The following EYS variants were observed in gnomAD, a reference collection of about 807,000 sequenced individuals.
EYS encodes protein eyes shut homolog.
EYS carries 250 observed loss-of-function variants against 282.1 expected under a neutral mutation model. The ratio of observed to expected loss-of-function variants is 0.89; its 90% CI spans 0.80 to 0.98. The LOEUF (loss-of-function observed/expected upper bound fraction) is 0.98. Among genes scored for constraint, EYS ranks in the 50% least tolerant of loss-of-function variants. The pLI is 0.00. For missense variants in EYS, 4,016 were observed against 3,709.0 expected, an observed-to-expected ratio of 1.08 and a Z score of -2.15; for synonymous variants, 1,355 against 1,282.9, an observed-to-expected ratio of 1.06 and a Z score of -1.20.
intron 12 of EYS, among the ~76,000 whole-genome samples, chr6:65,083,576 G>A (rs1008648458): frequency 3.3e-5 from 5 of 151,592 alleles, no homozygotes; most frequent in African/African-American, 7.3e-5. Flanking sequence ...CTGATACCTC[G>A]AATATTATTT....
chr6:65,430,138 C>T (rs1164167513), intron 5 of EYS, among the ~76,000 whole-genome samples: 2 of 152,064 alleles, frequency 1.3e-5, no homozygotes, highest in African/African-American at 2.4e-5. Flanking sequence ...ATCAATCTTC[C>T]CCCCTCTTCA....
At chr6:64,948,227 C>T (rs1343588551) in intron 14 of EYS, among the ~76,000 whole-genome samples, 2 of 151,136 alleles carry the variant, frequency 1.3e-5, no homozygotes, top group East Asian at 3.9e-4. Flanking sequence ...ATGAAGAGAA[C>T]AAAAGTGCAT....
intron 36 of EYS, among the ~76,000 whole-genome samples, chr6:63,855,769 ATGGGGGCTAT>A (rs1772374385): frequency 6.6e-6 from 1 of 152,216 alleles, no homozygotes; most frequent in Non-Finnish European, 1.5e-5. Flanking sequence ...GGTGAAGAAG[ATGGGGGCTAT>A]TGGGTTAGCT....
At chr6:65,478,459 C>T (rs1765486136) in intron 5 of EYS, among the ~76,000 whole-genome samples, 1 of 152,056 alleles carries the variant, frequency 6.6e-6, no homozygotes, top group Non-Finnish European at 1.5e-5. Context: ...TAATTATATG[C>T]TTACCAAGTA....
At chr6:64,240,525 G>A (rs373044389) in intron 30 of EYS, among the ~76,000 whole-genome samples, 1 of 152,088 alleles carries the variant, frequency 6.6e-6, no homozygotes, top group Non-Finnish European at 1.5e-5. Flanking sequence ...ATTGTGAATG[G>A]GAGTTCACTC....
intron 12 of EYS, among the ~76,000 whole-genome samples, chr6:65,186,304 A>G (rs1460900841): frequency 6.6e-6 from 1 of 151,782 alleles, no homozygotes; most frequent in African/African-American, 2.4e-5. Context: ...AGGAAAGATC[A>G]CGTTTCATAC....
intron 32 of EYS, among the ~76,000 whole-genome samples, chr6:64,071,569 C>CTGATTTTTCTTTGTT (rs1771579991): frequency 8.2e-6 from 1 of 122,178 alleles, no homozygotes; most frequent in African/African-American, 4.4e-5. Context: ...TATACTTTAA[C>CTGATTTTTCTTTGTT]AAAGAAAAAT....
At chr6:64,997,443 T>A in intron 14 of EYS, 139 bp downstream of exon 14, 1 of 750,718 alleles carries the variant, frequency 1.3e-6, no homozygotes, top group Non-Finnish European at 2.0e-6. Context: ...CTTGAGTTTC[T>A]GTTTTCTAAC....
chr6:64,257,693 T>C (rs568264907), intron 30 of EYS, among the ~76,000 whole-genome samples: 5 of 151,786 alleles, frequency 3.3e-5, no homozygotes, highest in Admixed American at 6.6e-5. Context: ...AATCAAGAAG[T>C]GACATGTAAT....
chr6:65,060,654 A>G (rs1489622971), intron 12 of EYS, among the ~76,000 whole-genome samples: 1 of 151,792 alleles, frequency 6.6e-6, no homozygotes, highest in Non-Finnish European at 1.5e-5. Flanking sequence ...CATCTCAGGT[A>G]TCCTCTGCCT....
At chr6:63,996,531 A>C (rs1767845284) in intron 34 of EYS, among the ~76,000 whole-genome samples, 1 of 152,108 alleles carries the variant, frequency 6.6e-6, no homozygotes, top group African/African-American at 2.4e-5. Context: ...CCAGAACTTA[A>C]AGTAAAAAAA....
chr6:64,457,481 T>C (rs1380444712), intron 26 of EYS, among the ~76,000 whole-genome samples: 1 of 152,058 alleles, frequency 6.6e-6, no homozygotes, highest in East Asian at 1.9e-4. Flanking sequence ...CCTACTATTA[T>C]CATATTGCAG....
intron 5 of EYS, among the ~76,000 whole-genome samples, chr6:65,451,457 C>A (rs2150401973): frequency 6.6e-6 from 1 of 152,142 alleles, no homozygotes; most frequent in South Asian, 2.1e-4. Flanking sequence ...TCTAATAATT[C>A]TTCTTTCAAT....
intron 2 of EYS, among the ~76,000 whole-genome samples, chr6:65,517,163 C>T (rs1471022275): frequency 6.6e-6 from 1 of 151,814 alleles, no homozygotes; most frequent in African/African-American, 2.4e-5. Context: ...ACCAAAGGAA[C>T]TACTGCGTGT....
intron 12 of EYS, among the ~76,000 whole-genome samples, chr6:65,278,475 A>C (rs898476570): frequency 1.3e-5 from 2 of 150,866 alleles, no homozygotes; most frequent in Admixed American, 1.3e-4. Flanking sequence ...TACATTATTC[A>C]AAAATTATTT....
At chr6:65,102,198 T>C (rs1274668660) in intron 12 of EYS, among the ~76,000 whole-genome samples, 1 of 151,344 alleles carries the variant, frequency 6.6e-6, no homozygotes, top group East Asian at 1.9e-4. Flanking sequence ...TTTGAAGATA[T>C]TTGATTTCTA....
chr6:64,830,273 C>G (rs924152237), intron 19 of EYS, among the ~76,000 whole-genome samples: 1 of 151,856 alleles, frequency 6.6e-6, no homozygotes, highest in African/African-American at 2.4e-5. Flanking sequence ...AAATAAATTT[C>G]TGTTATTTAT....
At chr6:64,140,166 A>G (rs1453564529) in intron 31 of EYS, among the ~76,000 whole-genome samples, 1 of 152,078 alleles carries the variant, frequency 6.6e-6, no homozygotes, top group African/African-American at 2.4e-5. Flanking sequence ...GGGCCAAAAT[A>G]TATTCTATTC....
At chr6:64,269,432 CT>C (rs984526079) in intron 30 of EYS, among the ~76,000 whole-genome samples, 3 of 151,710 alleles carry the variant, frequency 2.0e-5, no homozygotes, top group African/African-American at 7.3e-5. Flanking sequence ...AGTAATCAAT[CT>C]TTTTTTTAAT....
Sources: allele counts gnomAD v4.1 joint callset (sites outside exome capture counted in the v4.1 genomes callset), GRCh38; gene constraint gnomAD v4.1.1; transcripts MANE v1.5; gene names NCBI Gene and HGNC (gene_info 2026-07-23, HGNC 2026-07-21).